Variants in ZBTB7C observed in about 807,000 individuals in gnomAD.
ZBTB7C encodes the protein zinc finger and BTB domain containing 7C.
Under a neutral mutation model 25.7 loss-of-function variants are expected in ZBTB7C, and 8 were observed. That is an observed-to-expected ratio of 0.31 (90% CI 0.18 to 0.56). ZBTB7C has a LOEUF of 0.56. Among genes scored for constraint, ZBTB7C ranks in the 20% least tolerant of loss-of-function variants. The pLI, the probability that ZBTB7C is intolerant of heterozygous loss-of-function variation, is 0.91. For missense variants in ZBTB7C, 824 were observed against 855.2 expected (o/e 0.96, Z 0.46); for synonymous variants, 394 against 369.0 (o/e 1.07, Z -0.78).
intron 3 of ZBTB7C, among the ~76,000 whole-genome samples, chr18:48,075,116 C>G (rs1442950450): frequency 2.6e-5 from 4 of 152,196 alleles, no homozygotes; most frequent in Admixed American, 2.6e-4. Context: ...ATACAGACTT[C>G]CATGTGTTTT....
chr18:48,134,799 G>A (rs1413127950), intron 3 of ZBTB7C, among the ~76,000 whole-genome samples: 3 of 152,226 alleles, frequency 2.0e-5, no homozygotes, highest in African/African-American at 7.2e-5. Flanking sequence ...CAGCTGGCAT[G>A]TGCCAAAAGT....
Position 48,367,186 on chromosome 18 carries a change from TATATATATATATATATACACACACAC to T in ZBTB7C, c.-303-28814_-303-28789del, listed in dbSNP as rs1291506538. Among the ~76,000 whole-genome samples the T allele has an allele frequency of 6.2e-4, 14 of 22,468 alleles. 1 individual carries two copies. The highest frequency in any genetic ancestry group is 6.2e-3 in the Admixed American group (8 of 1,296). The allele number at this position is 22,468 out of a possible 152,430, so 14.7% of individuals were successfully genotyped here. ...CTTCTCCCCAAGTTTTATATATATA[TATATATATATATATATACACACACAC>T]ACACACACACACACACACACATACA... On this transcript the variant is annotated intron_variant, in intron 1 of 4. Transcript: ENST00000590800.
At chr18:48,279,993 A>G (rs2044784648) in intron 2 of ZBTB7C, among the ~76,000 whole-genome samples, 1 of 152,244 alleles carries the variant, frequency 6.6e-6, no homozygotes, top group Admixed American at 6.5e-5. Flanking sequence ...ATCATTCCAC[A>G]AATTTTTATT....
chr18:48,160,760 A>G (rs1283822876), intron 3 of ZBTB7C, among the ~76,000 whole-genome samples: 2 of 152,050 alleles, frequency 1.3e-5, no homozygotes, highest in African/African-American at 4.8e-5. Context: ...ATGAGTGAGA[A>G]GTTGAACTGG....
intron 3 of ZBTB7C, among the ~76,000 whole-genome samples, chr18:48,141,392 T>C (rs1373264900): frequency 6.6e-6 from 1 of 152,158 alleles, no homozygotes; most frequent in Non-Finnish European, 1.5e-5. Flanking sequence ...GGCTACTTGA[T>C]GGCAAGGACC....
At chr18:48,036,072 G>A (rs1343227615) in intron 4 of ZBTB7C, among the ~76,000 whole-genome samples, 1 of 152,264 alleles carries the variant, frequency 6.6e-6, no homozygotes, top group African/African-American at 2.4e-5. Context: ...ACAGCATGGG[G>A]CCAAAGAAAT....
chr18:48,381,917 C>T (rs1221549402), intron 1 of ZBTB7C, among the ~76,000 whole-genome samples: 2 of 152,220 alleles, frequency 1.3e-5, no homozygotes, highest in Non-Finnish European at 2.9e-5. Flanking sequence ...GTCCCACTCA[C>T]ATGCCACTGA....
At position 48,029,560 on chromosome 18, in the gene ZBTB7C, G is replaced by A. The variant is rs141804185; in HGVS notation, c.1560C>T (p.Gly520=). 1 of 1,527,728 alleles carries A rather than the reference G, an allele frequency of 6.5e-7. No individual in the cohort carries two copies. The highest frequency in any genetic ancestry group is 8.7e-7 in the Non-Finnish European group (1 of 1,151,356). The allele number at this position is 1,527,728 out of a possible 1,614,324, so 94.6% of individuals were successfully genotyped here. Residue 520 remains glycine, a synonymous_variant, in exon 5 of 5, where the codon GGC becomes GGT. Coordinates refer to ENST00000590800, the MANE Select transcript of ZBTB7C (RefSeq NM_001318841.2). ...ALGEVGGHLG[G]AAVCLPGPSP... is the part of the protein sequence containing the mutation. The stretch of plus-strand genomic sequence containing the variant: ...TGGGGCCCGGGAGGCACACAGCTGC[G>A]CCGCCCAGGTGGCCGCCCACCTCGC...
At chr18:48,164,300 T>C (rs1321448262) in intron 3 of ZBTB7C, among the ~76,000 whole-genome samples, 1 of 152,136 alleles carries the variant, frequency 6.6e-6, no homozygotes, top group Non-Finnish European at 1.5e-5. Flanking sequence ...GAGAGGAGCA[T>C]GTGGCCGCAA....
Position 48,338,916 on chromosome 18 carries a change from G to GC in ZBTB7C, c.-303-519_-303-518insG, listed in dbSNP as rs973271310. Among the ~76,000 whole-genome samples, 449 of 152,032 alleles carry GC rather than the reference G, an allele frequency of 3.0e-3. 3 individuals are homozygous for GC. The highest frequency in any genetic ancestry group is 0.01 in the African/African-American group (427 of 41,486). ...TCTGGTGTTCTGTAGTTTGTTGGGG[G>GC]GGGGGGGTCCAGGTAGGACACCCCA... On this transcript the variant is annotated intron_variant, in intron 1 of 4. Transcript: ENST00000590800.
chr18:48,129,369 A>C (rs1353659366), intron 3 of ZBTB7C, among the ~76,000 whole-genome samples: 5 of 149,714 alleles, frequency 3.3e-5, no homozygotes, highest in African/African-American at 1.3e-4. Flanking sequence ...AAAAAAAAAA[A>C]CCACATAGCA....
At chr18:48,183,481 CAT>C (rs1358311068) in intron 3 of ZBTB7C, among the ~76,000 whole-genome samples, 1 of 152,184 alleles carries the variant, frequency 6.6e-6, no homozygotes, top group African/African-American at 2.4e-5. Flanking sequence ...TAAAAAAGCA[CAT>C]GTTATTTTCA....
intron 3 of ZBTB7C, among the ~76,000 whole-genome samples, chr18:48,069,919 G>C (rs948009261): frequency 1.3e-5 from 2 of 152,170 alleles, no homozygotes; most frequent in Non-Finnish European, 2.9e-5. Context: ...TGGAGCGGGA[G>C]GAGAGGGAAG....
At chr18:48,067,300 C>T (rs946012486) in intron 3 of ZBTB7C, among the ~76,000 whole-genome samples, 5 of 152,112 alleles carry the variant, frequency 3.3e-5, no homozygotes, top group South Asian at 2.1e-4. Flanking sequence ...AAAACAGCAA[C>T]GGAGGAACCA....
At chr18:48,347,124 G>GTTTTTT (rs1158209713) in intron 1 of ZBTB7C, among the ~76,000 whole-genome samples, 13 of 80,478 alleles carry the variant, frequency 1.6e-4, no homozygotes, top group East Asian at 4.4e-4. Context: ...GTTTTTGTTT[G>GTTTTTT]TTTTTTTTTT....
chr18:48,035,043 A>C (rs890939045), intron 4 of ZBTB7C, among the ~76,000 whole-genome samples: 8 of 152,208 alleles, frequency 5.3e-5, no homozygotes, highest in Non-Finnish European at 1.2e-4. Context: ...CATTATCTTA[A>C]TAGGGTTCCC....
At chr18:48,373,333 A>G (rs1211118563) in intron 1 of ZBTB7C, among the ~76,000 whole-genome samples, 1 of 152,048 alleles carries the variant, frequency 6.6e-6, no homozygotes, top group Admixed American at 6.5e-5. Context: ...ACCTTCCACC[A>G]TGATGGCAAA....
At chr18:48,116,679 C>T (rs1262431539) in intron 3 of ZBTB7C, among the ~76,000 whole-genome samples, 1 of 152,148 alleles carries the variant, frequency 6.6e-6, no homozygotes, top group African/African-American at 2.4e-5. Context: ...GCTCTGCTGG[C>T]TGTCCTGGCC....
intron 2 of ZBTB7C, among the ~76,000 whole-genome samples, chr18:48,248,169 T>C (rs1198671574): frequency 6.6e-6 from 1 of 152,180 alleles, no homozygotes; most frequent in Middle Eastern, 3.4e-3. Context: ...CTTTCCTTTA[T>C]AAATTACCCA....
Sources: gnomAD v4.1 joint callset for allele counts (sites outside exome capture counted in the v4.1 genomes callset) on GRCh38, gnomAD v4.1.1 for gene constraint, MANE v1.5 for transcripts, NCBI Gene and HGNC (gene_info 2026-07-23, HGNC 2026-07-21) for gene names.